Variants in SLC24A2 observed in about 807,000 individuals in gnomAD.
SLC24A2 encodes solute carrier family 24 member 2, also known as sodium/potassium/calcium exchanger 2.
Under a neutral mutation model 62.0 loss-of-function variants are expected in SLC24A2, and 36 were observed. That is an observed-to-expected ratio of 0.58 (90% CI 0.44 to 0.77). SLC24A2 has a LOEUF of 0.77. Among genes scored for constraint, SLC24A2 ranks in the 30% least tolerant of loss-of-function variants. The pLI, the probability that SLC24A2 is intolerant of heterozygous loss-of-function variation, is 0.00. For missense variants in SLC24A2, 846 were observed against 817.9 expected (o/e 1.03, Z -0.42); for synonymous variants, 358 against 294.0 (o/e 1.22, Z -2.23).
chr9:19,592,676 C>T (rs1346826250), intron 5 of SLC24A2, among the ~76,000 whole-genome samples: 1 of 152,146 alleles, frequency 6.6e-6, no homozygotes, highest in African/African-American at 2.4e-5. Flanking sequence ...ACAAACTTGC[C>T]TACTTTTGAA....
At chr9:20,292,743 C>T in the SLC24A2 span, among the ~76,000 whole-genome samples, 2 of 152,198 alleles carry the variant, frequency 1.3e-5, no homozygotes, top group African/African-American at 4.8e-5. Flanking sequence ...GCATGCACCA[C>T]CAAGCCCAGG....
At chr9:20,151,165 G>T in the SLC24A2 span, among the ~76,000 whole-genome samples, 1 of 151,886 alleles carries the variant, frequency 6.6e-6, no homozygotes, top group African/African-American at 2.4e-5. Flanking sequence ...CCAAGAAAAT[G>T]ATTCATAGAA....
chr9:20,040,979 G>A, the SLC24A2 span, among the ~76,000 whole-genome samples: 14 of 152,276 alleles, frequency 9.2e-5, no homozygotes, highest in African/African-American at 2.4e-4. Flanking sequence ...AATTCCTAAC[G>A]TAATGCTTTT....
the SLC24A2 span, among the ~76,000 whole-genome samples, chr9:20,257,644 C>T: frequency 6.6e-6 from 1 of 152,216 alleles, no homozygotes. Flanking sequence ...CGGTTACTGA[C>T]TTTTATTAAC....
chr9:19,834,706 A>C, the SLC24A2 span, among the ~76,000 whole-genome samples: 2 of 152,194 alleles, frequency 1.3e-5, no homozygotes, highest in Non-Finnish European at 2.9e-5. Context: ...CAACATTCAC[A>C]TTCAGGAAAT....
At chr9:19,917,071 A>T in the SLC24A2 span, among the ~76,000 whole-genome samples, 32 of 132,066 alleles carry the variant, frequency 2.4e-4, no homozygotes, top group African/African-American at 9.3e-4. Context: ...CCTTGAAATT[A>T]TATCTTCTAA....
intron 2 of SLC24A2, among the ~76,000 whole-genome samples, chr9:19,639,259 G>C (rs1046910084): frequency 3.3e-5 from 5 of 152,180 alleles, no homozygotes; most frequent in Admixed American, 2.0e-4. Flanking sequence ...TTTGCAAAAT[G>C]GCTGCAATTC....
At chr9:20,290,320 A>T in the SLC24A2 span, among the ~76,000 whole-genome samples, 1 of 152,206 alleles carries the variant, frequency 6.6e-6, no homozygotes, top group Non-Finnish European at 1.5e-5. Context: ...TTCCCTGCAT[A>T]CCCATCTGCC....
chr9:20,272,952 G>C, the SLC24A2 span, among the ~76,000 whole-genome samples: 1 of 152,206 alleles, frequency 6.6e-6, no homozygotes, highest in Non-Finnish European at 1.5e-5. Context: ...ACTGGATCCT[G>C]ATCCCAGGCT....
chr9:19,811,606 C>G, the SLC24A2 span, among the ~76,000 whole-genome samples: 1 of 152,032 alleles, frequency 6.6e-6, no homozygotes, highest in Non-Finnish European at 1.5e-5. Context: ...TGTGCCTAGC[C>G]TCTATTAACT....
At chr9:20,166,552 G>C in the SLC24A2 span, among the ~76,000 whole-genome samples, 1 of 151,884 alleles carries the variant, frequency 6.6e-6, no homozygotes, top group Non-Finnish European at 1.5e-5. Flanking sequence ...CAATGTACAG[G>C]AGTATATATG....
At chr9:20,242,616 G>A in the SLC24A2 span, among the ~76,000 whole-genome samples, 4 of 152,186 alleles carry the variant, frequency 2.6e-5, no homozygotes, top group Non-Finnish European at 4.4e-5. Context: ...ACTTAAGGTG[G>A]ATGTGTCGGA....
the SLC24A2 span, among the ~76,000 whole-genome samples, chr9:20,102,139 A>G: frequency 2.0e-5 from 3 of 152,140 alleles, no homozygotes; most frequent in Admixed American, 6.5e-5. Context: ...CCCTATTTCT[A>G]TAAAGAGTTG....
At chr9:19,948,826 C>G in the SLC24A2 span, among the ~76,000 whole-genome samples, 44 of 97,178 alleles carry the variant, frequency 4.5e-4, no homozygotes, top group Non-Finnish European at 7.7e-4. Context: ...GCCTGGGCAA[C>G]AGAACGAGAC....
the SLC24A2 span, among the ~76,000 whole-genome samples, chr9:19,934,900 T>G: frequency 6.6e-6 from 1 of 152,030 alleles, no homozygotes. This position sits in a 1 kb window ranked among gnomAD's most constrained non-coding sequence, Gnocchi z 4.1. Flanking sequence ...ATTGGAGTTT[T>G]GGAGGCGGGA....
At chr9:19,563,827 TCC>T (rs1835532347) in intron 7 of SLC24A2, among the ~76,000 whole-genome samples, 2 of 75,072 alleles carry the variant, frequency 2.7e-5, no homozygotes, top group Non-Finnish European at 2.6e-5. Flanking sequence ...CCTTCCTTCC[TCC>T]CTCCCTCCCT....
chr9:19,508,628 T>TAAA lies in SLC24A2; in HGVS notation c.*7524_*7525insTTT, dbSNP rs2132596118. The TAAA allele has an allele frequency of 6.6e-6, 1 of 152,028 alleles. No homozygotes were observed. Among genetic ancestry groups the TAAA allele is most frequent in the Non-Finnish European group, 1.5e-5 (1 of 67,992 alleles). 9.4% of individuals were successfully genotyped at this position (152,028 alleles called of 1,614,324 possible). On this transcript the variant is annotated 3_prime_UTR_variant, in exon 11 of 11. Transcript: ENST00000341998. ...GGTAACATAGTGAGACTCCATCTCT[T>TAAA]AACAACAACAACAAAATTAGCCAGG...
At chr9:20,080,207 G>T in the SLC24A2 span, among the ~76,000 whole-genome samples, 6 of 152,100 alleles carry the variant, frequency 3.9e-5, no homozygotes, top group Non-Finnish European at 7.4e-5. Context: ...GGAGGCATCA[G>T]GCTACCTGAC....
the SLC24A2 span, among the ~76,000 whole-genome samples, chr9:19,982,926 C>T: frequency 6.6e-6 from 1 of 152,116 alleles, no homozygotes; most frequent in Non-Finnish European, 1.5e-5. Flanking sequence ...AATAAAACTT[C>T]ATGATGTGGA....
Sources: gnomAD v4.1 joint callset for allele counts (sites outside exome capture counted in the v4.1 genomes callset) on GRCh38, gnomAD v4.1.1 for gene constraint, Gnocchi (gnomAD v3.1) non-coding constraint, MANE v1.5 for transcripts, NCBI Gene and HGNC (gene_info 2026-07-23, HGNC 2026-07-21) for gene names.